The following TTC28 variants were observed in gnomAD, a reference collection of about 807,000 sequenced individuals.
TTC28 encodes the protein tetratricopeptide repeat domain 28, also known as tetratricopeptide repeat protein 28.
A neutral mutation model predicts 198.0 loss-of-function variants in TTC28; 61 were observed. That is an observed-to-expected ratio of 0.31 (90% confidence interval 0.25 to 0.38). The LOEUF (loss-of-function observed/expected upper bound fraction) is 0.38. Among genes scored for constraint, TTC28 ranks in the 10% least tolerant of loss-of-function variants. TTC28 has a pLI of 1.00. For synonymous variants in TTC28, 1,171 were observed against 1,297.8 expected, an observed-to-expected ratio of 0.90 and a Z score of 2.10; for missense variants, 2,678 against 3,164.0, an observed-to-expected ratio of 0.85 and a Z score of 3.69.
At chr22:28,126,702 G>A (rs1248542777) in intron 6 of TTC28, among the ~76,000 whole-genome samples, 31 of 152,212 alleles carry the variant, frequency 2.0e-4, no homozygotes, top group Non-Finnish European at 4.4e-5. Context: ...CTCATAAGAT[G>A]TTAATACTGC....
intron 1 of TTC28, among the ~76,000 whole-genome samples, chr22:28,678,072 G>A (rs183716355): frequency 3.9e-5 from 6 of 152,150 alleles, no homozygotes; most frequent in African/African-American, 1.4e-4. Flanking sequence ...CATAAATGTA[G>A]ATATTTACCT....
At chr22:28,020,674 A>G (rs1938554918) in intron 13 of TTC28, among the ~76,000 whole-genome samples, 1 of 152,166 alleles carries the variant, frequency 6.6e-6, no homozygotes, top group Non-Finnish European at 1.5e-5. Flanking sequence ...GCGAGCGAGG[A>G]TGAGCCTGTG....
At chr22:28,546,205 A>C (rs756777012) in intron 2 of TTC28, among the ~76,000 whole-genome samples, 14 of 152,328 alleles carry the variant, frequency 9.2e-5, no homozygotes, top group East Asian at 5.8e-4. Context: ...ATTTTTGACA[A>C]AGGTACCAGG....
chr22:28,400,981 CTTATTT>C (rs1169324742), intron 2 of TTC28, among the ~76,000 whole-genome samples: 1 of 152,052 alleles, frequency 6.6e-6, no homozygotes, highest in Non-Finnish European at 1.5e-5. Flanking sequence ...AAATTCTATT[CTTATTT>C]TAAGTTGATG....
rs895687383 is a variant in TTC28 at position 27,998,625 on chromosome 22, G to A, written c.5034C>T (p.Asn1678=). ...CCAGGGCGGCGCTGGCTTTCAGGCC[G>A]TTCAGCAGGGATGAGTAGAAGGCAT... ...FIHAFYSSLL[N]GLKASAALGE... Residue 1678 remains asparagine (N), a synonymous_variant, in exon 16 of 23, where the codon AAC becomes AAT. Coordinates refer to ENST00000397906, the MANE Select transcript of TTC28 (RefSeq NM_001145418.2). 15 of 1,550,750 alleles carry A rather than the reference G, an allele frequency of 9.7e-6. No individual in the cohort carries two copies. The highest frequency in any genetic ancestry group is 2.7e-5 in the African/African-American group (2 of 73,068).
rs1322322023 is a variant in TTC28, at chr22:28,650,123, T to C, written c.103-20293A>G. Among the ~76,000 whole-genome samples the C allele has an allele frequency of 2.0e-5, 3 of 152,230 alleles. No individual in the cohort carries two copies. In the East Asian group the frequency reaches 5.8e-4, roughly 29 times the overall value. On this transcript the variant is annotated intron_variant, in intron 1 of 22. Transcript: ENST00000397906. The stretch of plus-strand genomic sequence containing the variant: ...CTTTAACTCATTAATTAATGAGTGA[T>C]CCAGTAAGATATTACAACTAGTTCA...
chr22:27,988,476 C>T (rs1053309354), intron 21 of TTC28, among the ~76,000 whole-genome samples: 2 of 151,798 alleles, frequency 1.3e-5, no homozygotes, highest in African/African-American at 2.4e-5. Context: ...TTAGTAGAGA[C>T]GGGGTTTCTC....
intron 1 of TTC28, among the ~76,000 whole-genome samples, chr22:28,674,637 C>T (rs1322186348): frequency 6.6e-6 from 1 of 151,380 alleles, no homozygotes; most frequent in Admixed American, 6.6e-5. Context: ...CTGGCCAACA[C>T]GGTGAAACCA....
intron 2 of TTC28, among the ~76,000 whole-genome samples, chr22:28,484,393 T>A (rs557015257): frequency 6.6e-6 from 1 of 152,270 alleles, no homozygotes; most frequent in East Asian, 1.9e-4. Context: ...ATTACAGGCA[T>A]GAGCCACCGC....
intron 6 of TTC28, among the ~76,000 whole-genome samples, chr22:28,129,114 GTACT>G (rs1352177021): frequency 6.6e-6 from 1 of 152,012 alleles, no homozygotes; most frequent in Non-Finnish European, 1.5e-5. Context: ...AATGCTTTAG[GTACT>G]TACGCCACTA....
intron 13 of TTC28, among the ~76,000 whole-genome samples, chr22:28,027,346 A>G (rs1024210972): frequency 1.1e-4 from 16 of 152,248 alleles, no homozygotes; most frequent in African/African-American, 3.6e-4. Context: ...TTCAAAATGC[A>G]CATGTGTTTT....
chr22:28,540,237 C>A (rs1165579472), intron 2 of TTC28, among the ~76,000 whole-genome samples: 11 of 151,954 alleles, frequency 7.2e-5, no homozygotes, highest in Admixed American at 6.6e-4. Context: ...TGAGCCACTG[C>A]GCCTGGCCCA....
At chr22:28,382,933 C>G (rs1255729567) in intron 2 of TTC28, among the ~76,000 whole-genome samples, 1 of 152,160 alleles carries the variant, frequency 6.6e-6, no homozygotes, top group Non-Finnish European at 1.5e-5. Context: ...CTAAATTCCT[C>G]TAAACAAGAT....
At chr22:28,182,316 C>T (rs1273189597) in intron 5 of TTC28, among the ~76,000 whole-genome samples, 1 of 152,138 alleles carries the variant, frequency 6.6e-6, no homozygotes, top group Non-Finnish European at 1.5e-5. Flanking sequence ...ACCTGAATTT[C>T]GGTGGGCTAT....
rs2047527972 is a variant in TTC28, at chr22:28,436,848, T to A, written c.382-130205A>T. On this transcript the variant is annotated intron_variant, in intron 2 of 22. Transcript: ENST00000397906. ...CTAGCTTCAGAGTCCATCCTCTCCATCATGCTACAACCTATACTACAGTCT... is the reference window on the plus strand; with the variant it reads ...CTAGCTTCAGAGTCCATCCTCTCCAACATGCTACAACCTATACTACAGTCT... Among the ~76,000 whole-genome samples the A allele has an allele frequency of 2.0e-5, 3 of 152,208 alleles. No homozygotes were observed. The South Asian group carries it at 6.2e-4, about 31-fold the overall frequency.
At chr22:28,353,805 A>G (rs1450048533) in intron 2 of TTC28, among the ~76,000 whole-genome samples, 1 of 152,252 alleles carries the variant, frequency 6.6e-6, no homozygotes, top group African/African-American at 2.4e-5. Context: ...TCCAGAATAT[A>G]TGAAGAACTC....
At chr22:28,150,525 AT>A (rs1429944818) in intron 6 of TTC28, among the ~76,000 whole-genome samples, 2 of 152,242 alleles carry the variant, frequency 1.3e-5, no homozygotes, top group Non-Finnish European at 2.9e-5. Context: ...AAACAGATGG[AT>A]TCCTTAAGGA....
chr22:28,496,051 T>G (rs695656), intron 2 of TTC28, among the ~76,000 whole-genome samples: 1,662 of 152,232 alleles, frequency 0.011, 35 homozygotes, highest in East Asian at 0.085. Flanking sequence ...AAACATAGTT[T>G]CACTTGGCTT....
intron 2 of TTC28, among the ~76,000 whole-genome samples, chr22:28,412,522 A>G (rs951393535): frequency 3.3e-5 from 5 of 152,090 alleles, no homozygotes; most frequent in Admixed American, 1.3e-4. Flanking sequence ...TTGCCTCCTT[A>G]TGACTTCCAA....
Sources: gnomAD v4.1 joint callset for allele counts (sites outside exome capture counted in the v4.1 genomes callset) on GRCh38, gnomAD v4.1.1 for gene constraint, MANE v1.5 for transcripts, NCBI Gene and HGNC (gene_info 2026-07-23, HGNC 2026-07-21) for gene names.